Variants in MRPS18C observed in about 807,000 individuals in gnomAD.
The protein encoded by MRPS18C is small ribosomal subunit protein bS18m.
MRPS18C carries 21 observed loss-of-function variants against 21.0 expected under a neutral mutation model. That is an observed-to-expected ratio of 1.00 (90% CI 0.71 to 1.44). The LOEUF (loss-of-function observed/expected upper bound fraction) is 1.44. Among genes scored for constraint, MRPS18C ranks in the 40% most tolerant of loss-of-function variants. The pLI, the probability that MRPS18C is intolerant of heterozygous loss-of-function variation, is 0.00. For synonymous variants in MRPS18C, 65 were observed against 54.3 expected, an observed-to-expected ratio of 1.20 and a Z score of -0.87; for missense variants, 152 against 171.5, an observed-to-expected ratio of 0.89 and a Z score of 0.64.
chr4:83,456,411 C>T (rs1002567013), intron 1 of MRPS18C, among the ~76,000 whole-genome samples: 1 of 152,080 alleles, frequency 6.6e-6, no homozygotes, highest in African/African-American at 2.4e-5. Flanking sequence ...CAGAGACTTT[C>T]CTAAGATCTC....
intron 3 of MRPS18C, 170 bp downstream of exon 3, chr4:83,458,599 A>ACCG: frequency 4.1e-6 from 2 of 485,708 alleles, no homozygotes; most frequent in Non-Finnish European, 7.1e-6. Flanking sequence ...TGCTTTATTC[A>ACCG]AGTAAAAGCA....
intron 2 of MRPS18C, chr4:83,457,326 G>GAAA (rs1721887535): frequency 5.4e-6 from 1 of 184,036 alleles, no homozygotes; most frequent in African/African-American, 2.4e-5. Flanking sequence ...TAGTTTGGGT[G>GAAA]AGCAGAATTT....
chr4:83,460,575 C>A, intron 4 of MRPS18C: 1 of 209,958 alleles, frequency 4.8e-6, no homozygotes, highest in Non-Finnish European at 9.6e-6. Flanking sequence ...ATTATTGTGG[C>A]CCTTGACAAA....
At position 83,461,319 on chromosome 4, in the gene MRPS18C, C is replaced by T; in HGVS notation, c.*122C>T. The T allele has an allele frequency of 2.7e-6, 2 of 743,016 alleles. No homozygotes were observed. The highest frequency in any genetic ancestry group is 4.7e-6 in the Non-Finnish European group (2 of 424,586). 46.0% of individuals were successfully genotyped at this position (743,016 alleles called of 1,614,324 possible). A position where few individuals can be genotyped will look rare whatever the true frequency, so the allele number is the denominator to read the frequency against. On this transcript the variant is annotated 3_prime_UTR_variant, in exon 6 of 6. Transcript: ENST00000295491. Reference sequence around the variant, plus strand: ...AGGAGTGAGGTAAAGAATGACACTTCCCCTTCATACCAATGTCCATTAAGC... The same window carrying T: ...AGGAGTGAGGTAAAGAATGACACTTTCCCTTCATACCAATGTCCATTAAGC...
At position 83,456,088 on chromosome 4, in the gene MRPS18C, T is replaced by C; in HGVS notation, c.11T>C (p.Val4Ala). ...AAGAAACGCGGAACCATGGCCGCTGTGGTTGCTGTTTGCGGTGGTCTAGGG... is the reference window on the plus strand; with the variant it reads ...AAGAAACGCGGAACCATGGCCGCTGCGGTTGCTGTTTGCGGTGGTCTAGGG... MAA[V>A]VAVCGGLGRK... is the part of the protein sequence containing the mutation. The change falls in exon 1 of 6, where the codon GTG becomes GCG. Residue 4 changes from valine (V) to alanine (A), a missense_variant. Physicochemically the swap from Val to Ala is moderately conservative, Grantham distance 64. Around this residue, in one of 2 missense-constraint regions of MRPS18C, gnomAD observed 118 missense variants for 104.4 expected, o/e 1.13. Coordinates refer to ENST00000295491, the MANE Select transcript of MRPS18C (RefSeq NM_016067.4). 2 of 1,612,548 alleles carry C rather than the reference T, an allele frequency of 1.2e-6. No homozygotes were observed. The highest frequency in any genetic ancestry group is 1.7e-6 in the Non-Finnish European group (2 of 1,180,010).
intron 4 of MRPS18C, 27 bp from the exon 5 acceptor site, chr4:83,460,946 T>A: frequency 6.3e-7 from 1 of 1,577,824 alleles, no homozygotes; most frequent in Non-Finnish European, 8.6e-7. Context: ...ACATTTTTTA[T>A]GAATAAGAAA....
intron 4 of MRPS18C, chr4:83,460,105 G>A (rs895934269): frequency 5.0e-6 from 1 of 198,978 alleles, no homozygotes; most frequent in Admixed American, 6.0e-5. Flanking sequence ...ATGGCCCATA[G>A]GCCAAATTCG....
In MRPS18C at chr4:83,462,132, ATCC is replaced by A. The variant is rs1460861252; in HGVS notation, c.*940_*942del. The A allele has an allele frequency of 3.8e-6, 1 of 260,292 alleles. No homozygotes were observed. The highest frequency in any genetic ancestry group is 7.3e-6 in the Non-Finnish European group (1 of 136,892). The allele number at this position is 260,292 out of a possible 1,614,324, so 16.1% of individuals were successfully genotyped here. ...GGTCTCTAACTCCTAACTTCAATCAATCCTCCTGACTTGTCTTCCCTAAGTGCT... is the reference window on the plus strand; with the variant it reads ...GGTCTCTAACTCCTAACTTCAATCAATCCTGACTTGTCTTCCCTAAGTGCT... On this transcript the variant is annotated 3_prime_UTR_variant, in exon 6 of 6. Transcript: ENST00000295491.
intron 2 of MRPS18C, 127 bp downstream of exon 2, chr4:83,457,085 T>C (rs996462952): frequency 1.7e-5 from 12 of 725,060 alleles, no homozygotes; most frequent in African/African-American, 1.6e-4. Flanking sequence ...AGTTCTGCCG[T>C]AGGACAAAAC....
intron 2 of MRPS18C, chr4:83,457,653 C>T (rs998614462): frequency 6.6e-6 from 1 of 152,290 alleles, no homozygotes; most frequent in African/African-American, 2.4e-5. Flanking sequence ...CACTTTGTCT[C>T]TAATCAAAGT....
At position 83,459,764 on chromosome 4, in the gene MRPS18C, T is replaced by C; in HGVS notation, c.259T>C (p.Phe87Leu). The C allele has an allele frequency of 6.2e-7, 1 of 1,611,078 alleles. No homozygotes were observed. Among genetic ancestry groups the C allele is most frequent in the South Asian group, 1.1e-5 (1 of 90,436 alleles). Reference sequence around the variant, plus strand: ...GCTTTTGTCCCAGTTTGTTTCTCCATTTACTGGATGCATTTATGGAAGGCA... The same window carrying C: ...GCTTTTGTCCCAGTTTGTTTCTCCACTTACTGGATGCATTTATGGAAGGCA... ...VQLLSQFVSP[F>L]TGCIYGRHIT... Residue 87 changes from phenylalanine (F) to leucine (L), a missense_variant, in exon 4 of 6, where the codon TTT becomes CTT. This residue lies in a region of MRPS18C where 118 missense variants were observed against 104.4 expected (regional missense o/e 1.13). Coordinates refer to ENST00000295491, the MANE Select transcript of MRPS18C (RefSeq NM_016067.4).
Position 83,461,139 on chromosome 4 carries a change from A to ACAAGGATCCTG in MRPS18C, c.374_384dup (p.Tyr129ArgfsTer32), listed in dbSNP as rs953136191. 2.5e-6 allele frequency: 4 copies of ACAAGGATCCTG among 1,613,500 alleles called. No individual in the cohort carries two copies. The African/African-American group carries it at 5.3e-5, about 22-fold the overall frequency. On this transcript the variant is annotated frameshift_variant, in exon 6 of 6. Transcript: ENST00000295491. LOFTEE classifies it high-confidence loss of function. Reference sequence around the variant, plus strand: ...TTTACAGGGTTTATGCCAGTTACATACAAGGATCCTGCATATCTCAAGGAC... The same window carrying ACAAGGATCCTG: ...TTTACAGGGTTTATGCCAGTTACATACAAGGATCCTGCAAGGATCCTGCATATCTCAAGGAC...
At position 83,461,714 on chromosome 4, in the gene MRPS18C, G is replaced by A. The variant is rs375716331; in HGVS notation, c.*517G>A. On this transcript the variant is annotated 3_prime_UTR_variant, in exon 6 of 6. Coordinates refer to ENST00000295491, the MANE Select transcript of MRPS18C (RefSeq NM_016067.4). ...ATATGTATCAGTTCTGAGTTCCACT[G>A]GCCTATCCCAAATACACTGGATTAC... is the stretch of plus-strand genomic sequence containing the variant. The A allele has an allele frequency of 1.6e-4, 37 of 236,936 alleles. No individual in the cohort carries two copies. Among genetic ancestry groups the A allele is most frequent in the Admixed American group, 9.6e-4 (19 of 19,768 alleles). The allele number at this position is 236,936 out of a possible 1,614,324, so 14.7% of individuals were successfully genotyped here. A position where few individuals can be genotyped will look rare whatever the true frequency, so the allele number is the denominator to read the frequency against.
intron 5 of MRPS18C, 32 bp from the exon 6 acceptor site, chr4:83,461,089 T>A (rs1560569116): frequency 6.2e-7 from 1 of 1,613,050 alleles, no homozygotes; most frequent in East Asian, 2.2e-5. Flanking sequence ...GCTCATTATG[T>A]TTTGTCAAGA....
Position 83,460,973 on chromosome 4 carries a change from G to C in MRPS18C, c.293G>C (p.Gly98Ala), listed in dbSNP as rs777092043. The change falls in exon 5 of 6, where the codon GGT (glycine) becomes GCT (alanine). Residue 98 changes from glycine to alanine, a missense_variant and splice_region_variant. Transcript: ENST00000295491. ...TGCIYGRHIT[G>A]LCGKKQKEIT... is the part of the protein sequence containing the mutation. Reference sequence around the variant, plus strand: ...AATAAGAAAGCTTTTTATTTTACAGGTCTTTGTGGGAAGAAACAGAAAGAA... The same window carrying C: ...AATAAGAAAGCTTTTTATTTTACAGCTCTTTGTGGGAAGAAACAGAAAGAA... 1 of 1,602,742 alleles carries C rather than the reference G, an allele frequency of 6.2e-7. No homozygotes were observed. Among genetic ancestry groups the C allele is most frequent in the Non-Finnish European group, 8.5e-7 (1 of 1,176,898 alleles).
intron 1 of MRPS18C, among the ~76,000 whole-genome samples, chr4:83,456,495 A>G (rs1721830125): frequency 6.6e-6 from 1 of 152,130 alleles, no homozygotes; most frequent in Non-Finnish European, 1.5e-5. Flanking sequence ...AGGTCCCCAA[A>G]CAGAACAAAA....
In MRPS18C at chr4:83,461,049, C is replaced by G; in HGVS notation, c.352+17C>G. The G allele has an allele frequency of 6.2e-7, 1 of 1,612,232 alleles. No individual in the cohort carries two copies. Among genetic ancestry groups the G allele is most frequent in the Non-Finnish European group, 8.5e-7 (1 of 1,178,664 alleles). ...AAATAATGGGTAAGAAAGAATACCT[C>G]AACAACTGAATTGAGCTAGCTGAAA... On this transcript the variant is annotated intron_variant, in intron 5 of 5. Coordinates refer to ENST00000295491, the MANE Select transcript of MRPS18C (RefSeq NM_016067.4).
chr4:83,456,808 T>C (rs754201253), intron 1 of MRPS18C, 101 bp from the exon 2 acceptor site: 63 of 1,150,952 alleles, frequency 5.5e-5, no homozygotes, highest in African/African-American at 7.8e-5. Context: ...CTTTCTTTAA[T>C]ATCGTGTCCC....
At position 83,456,910 on chromosome 4, in the gene MRPS18C, G is replaced by A. The variant is rs1560566378; in HGVS notation, c.102G>A (p.Val34=). The A allele has an allele frequency of 1.2e-6, 2 of 1,611,836 alleles. No individual in the cohort carries two copies. Among genetic ancestry groups the A allele is most frequent in the Middle Eastern group, 2.0e-4 (1 of 5,024 alleles). The change falls in exon 2 of 6, where the codon GTG becomes GTA. Residue 34 remains valine (V), a splice_region_variant and synonymous_variant. Coordinates refer to ENST00000295491, the MANE Select transcript of MRPS18C (RefSeq NM_016067.4). ...ATTGCTGTTTCTGTTTAATCGCAGT[G>A]CTTTGGAGAAGAGGTTGTTCACAAC... ...VSLTHPGTHT[V]LWRRGCSQQV...
Sources: gnomAD v4.1 joint callset for allele counts (sites outside exome capture counted in the v4.1 genomes callset) on GRCh38, gnomAD v4.1.1 for gene constraint, gnomAD v4.1.1 regional missense constraint, MANE v1.5 for transcripts, NCBI Gene and HGNC (gene_info 2026-07-23, HGNC 2026-07-21) for gene names.